The following KMT5B variants were observed in gnomAD, a reference collection of about 807,000 sequenced individuals.
The protein encoded by KMT5B is histone-lysine N-methyltransferase KMT5B.
KMT5B carries 10 observed loss-of-function variants against 83.2 expected under a neutral mutation model. That is an observed-to-expected ratio of 0.12 (90% confidence interval 0.07 to 0.20). The LOEUF is 0.20. Ranked by LOEUF, KMT5B falls within the 10% of genes least tolerant of loss-of-function variation. KMT5B has a pLI of 1.00. For missense variants in KMT5B, 753 were observed against 1,067.2 expected (o/e 0.71, Z 4.10); for synonymous variants, 349 against 388.8 (o/e 0.90, Z 1.20).
intron 3 of KMT5B, 58 bp downstream of exon 3, chr11:68,185,723 T>G: frequency 2.7e-6 from 4 of 1,482,448 alleles, no homozygotes; most frequent in Non-Finnish European, 3.6e-6. Flanking sequence ...ATTAGCCATC[T>G]ATGTTCTTGA....
At chr11:68,179,656 G>A (rs1288047374) in intron 4 of KMT5B, 1 of 1,209,266 alleles carries the variant, frequency 8.3e-7, no homozygotes, top group South Asian at 1.5e-5. Context: ...AGAAAAAAGG[G>A]AGACAGGGAA....
rs1400105785 is a variant in KMT5B, at chr11:68,158,798, T to C, written c.1548A>G (p.Glu516=). The C allele has an allele frequency of 6.2e-7, 1 of 1,614,028 alleles. No homozygotes were observed. Residue 516 remains glutamate (E), a synonymous_variant, in exon 11 of 11, where the codon GAA becomes GAG. Transcript: ENST00000304363. ...SGCLTRHAAR[E]HRQNPVRGAH... Reference sequence around the variant, plus strand: ...CACCTCTCACAGGATTCTGTCTGTGTTCTCTCGCCGCGTGTCTAGTCAAGC... The same window carrying C: ...CACCTCTCACAGGATTCTGTCTGTGCTCTCTCGCCGCGTGTCTAGTCAAGC...
At position 68,175,003 on chromosome 11, in the gene KMT5B, T is replaced by C; in HGVS notation, c.543+15A>G. ...TATCCAAATAGGTTAACAGCATCAG[T>C]CTTAATAAACTTACATGTTCTTTGA... On this transcript the variant is annotated intron_variant, in intron 5 of 10. Coordinates refer to ENST00000304363, the MANE Select transcript of KMT5B (RefSeq NM_017635.5). 6.2e-7 allele frequency: 1 copy of C among 1,609,676 alleles called. No homozygotes were observed. The highest frequency in any genetic ancestry group is 8.5e-7 in the Non-Finnish European group (1 of 1,176,302).
intron 9 of KMT5B, among the ~76,000 whole-genome samples, chr11:68,169,168 A>G (rs983476714): frequency 3.3e-5 from 5 of 152,204 alleles, no homozygotes; most frequent in African/African-American, 1.2e-4. Flanking sequence ...AACCTTGTGG[A>G]GTAGGTGGGA....
In KMT5B at chr11:68,195,246, T is replaced by C. The variant is rs940309550; in HGVS notation, c.-76-5094A>G. Among the ~76,000 whole-genome samples, 2 of 152,180 alleles carry C rather than the reference T, an allele frequency of 1.3e-5. 1 individual carries two copies. ...TTAGATTATACTCTCAGAAGCTATG[T>C]GGTTTACAGAAAATAGCCCTCTCCT... On this transcript the variant is annotated intron_variant, in intron 1 of 10. Transcript: ENST00000304363.
At chr11:68,200,200 A>G (rs1170485633) in intron 1 of KMT5B, among the ~76,000 whole-genome samples, 1 of 152,196 alleles carries the variant, frequency 6.6e-6, no homozygotes, top group Non-Finnish European at 1.5e-5. Context: ...CTCAGTGCAG[A>G]TCAATGAAGT....
intron 1 of KMT5B, among the ~76,000 whole-genome samples, chr11:68,211,634 A>T (rs1305716247): frequency 6.6e-6 from 1 of 152,206 alleles, no homozygotes; most frequent in Non-Finnish European, 1.5e-5. Context: ...TCAAAAACTC[A>T]CGAGTAACCA....
At chr11:68,181,628 T>C (rs939236819) in intron 3 of KMT5B, among the ~76,000 whole-genome samples, 5 of 152,236 alleles carry the variant, frequency 3.3e-5, no homozygotes, top group Non-Finnish European at 7.3e-5. Flanking sequence ...GAAGTATTTA[T>C]TGGCTATTTA....
intron 4 of KMT5B, chr11:68,179,453 TTCACAC>T: frequency 7.7e-7 from 1 of 1,303,566 alleles, no homozygotes; most frequent in Non-Finnish European, 1.0e-6. Context: ...AACATATGAA[TTCACAC>T]TCCCACACAC....
rs549047438 is a variant in KMT5B at position 68,155,917 on chromosome 11, A to G, written c.*1771T>C. Reference sequence around the variant, plus strand: ...GGATGAGACTATGTAAGACTGCAGAAGTAGTTCCTTAGAGAACCAGGAGAA... The same window carrying G: ...GGATGAGACTATGTAAGACTGCAGAGGTAGTTCCTTAGAGAACCAGGAGAA... On this transcript the variant is annotated 3_prime_UTR_variant, in exon 11 of 11. Transcript: ENST00000304363. The G allele has an allele frequency of 6.6e-6, 1 of 152,254 alleles. No individual in the cohort carries two copies. Among genetic ancestry groups the G allele is most frequent in the Non-Finnish European group, 1.5e-5 (1 of 68,046 alleles). 9.4% of individuals were successfully genotyped at this position (152,254 alleles called of 1,614,324 possible). A position where few individuals can be genotyped will look rare whatever the true frequency, so the allele number is the denominator to read the frequency against.
At chr11:68,173,938 A>G in intron 5 of KMT5B, 25 bp from the exon 6 acceptor site, 2 of 1,407,608 alleles carry the variant, frequency 1.4e-6, no homozygotes, top group South Asian at 1.2e-5. Context: ...AAAAATTGAT[A>G]ATGACTTTAA....
At chr11:68,202,268 T>C (rs868447645) in intron 1 of KMT5B, among the ~76,000 whole-genome samples, 1 of 152,210 alleles carries the variant, frequency 6.6e-6, no homozygotes, top group Non-Finnish European at 1.5e-5. Flanking sequence ...GTTCAACTTT[T>C]CAAAATAAAC....
chr11:68,179,759 G>T, intron 4 of KMT5B: 1 of 629,372 alleles, frequency 1.6e-6, no homozygotes, highest in African/African-American at 1.9e-5. Context: ...TCTGAAGAAA[G>T]TTTAGCTGCA....
intron 4 of KMT5B, among the ~76,000 whole-genome samples, chr11:68,177,712 T>C (rs566384665): frequency 1.6e-4 from 25 of 152,164 alleles, no homozygotes; most frequent in Admixed American, 7.9e-4. Flanking sequence ...TTTCAATCAA[T>C]TGGTATACAA....
At chr11:68,172,702 G>A (rs755857713) in intron 6 of KMT5B, among the ~76,000 whole-genome samples, 7 of 152,108 alleles carry the variant, frequency 4.6e-5, no homozygotes, top group South Asian at 2.1e-4. Context: ...CTACTGTACC[G>A]GACGGTACAG....
chr11:68,172,961 T>C (rs1182296608), intron 6 of KMT5B, among the ~76,000 whole-genome samples: 2 of 152,168 alleles, frequency 1.3e-5, no homozygotes, highest in Non-Finnish European at 2.9e-5. Context: ...GGAGATAACA[T>C]AGGGAACAGG....
intron 3 of KMT5B, among the ~76,000 whole-genome samples, chr11:68,183,389 G>T (rs868176000): frequency 6.6e-6 from 1 of 151,868 alleles, no homozygotes; most frequent in Middle Eastern, 3.4e-3. Context: ...CCGGAGTCAC[G>T]CTCTGTTGCC....
rs778281591 is a variant in KMT5B, at chr11:68,159,008, C to T, written c.1338G>A (p.Lys446=). The T allele has an allele frequency of 2.2e-5, 36 of 1,612,542 alleles. No individual in the cohort carries two copies. Among genetic ancestry groups the T allele is most frequent in the Admixed American group, 3.4e-5 (2 of 59,614 alleles). Residue 446 remains lysine, a synonymous_variant, in exon 11 of 11, where the codon AAG becomes AAA. Coordinates refer to ENST00000304363, the MANE Select transcript of KMT5B (RefSeq NM_017635.5). ...TCAATTTTATCTTTGAAAGTAAAGG[C>T]TTTGCAGGCTTCTTCAGTTTCTTTG... The part of the protein sequence containing the change: ...RVPKKLKKPA[K]PLLSKIKLRN...
intron 2 of KMT5B, among the ~76,000 whole-genome samples, chr11:68,189,299 G>C (rs897777443): frequency 6.6e-6 from 1 of 152,108 alleles, no homozygotes; most frequent in Non-Finnish European, 1.5e-5. Flanking sequence ...TATGAAATAC[G>C]CACCAAATCT....
Sources: allele counts gnomAD v4.1 joint callset (sites outside exome capture counted in the v4.1 genomes callset), GRCh38; gene constraint gnomAD v4.1.1; transcripts MANE v1.5; gene names NCBI Gene and HGNC (gene_info 2026-07-23, HGNC 2026-07-21).